Variants in CSMD1 observed in about 807,000 individuals in gnomAD.
The protein encoded by CSMD1 is CUB and sushi domain-containing protein 1.
A neutral mutation model predicts 417.5 loss-of-function variants in CSMD1; 213 were observed. The ratio of observed to expected loss-of-function variants is 0.51; its 90% CI spans 0.46 to 0.57. CSMD1 has a LOEUF of 0.57. CSMD1 is among the 20% of genes least tolerant of loss of function. The pLI is 0.00. For synonymous variants in CSMD1, 2,862 were observed against 1,736.8 expected (o/e 1.65, Z -16.11); for missense variants, 6,923 against 4,529.7 (o/e 1.53, Z -15.17).
intron 65 of CSMD1, among the ~76,000 whole-genome samples, 173 bp downstream of exon 65, chr8:2,954,051 T>C (rs1802827774): frequency 2.0e-5 from 3 of 152,258 alleles, no homozygotes; most frequent in African/African-American, 7.2e-5. Flanking sequence ...CAAACCATTG[T>C]TGTGAAATAA....
chr8:3,415,629 C>A (rs1401501989), intron 12 of CSMD1, among the ~76,000 whole-genome samples: 1 of 152,108 alleles, frequency 6.6e-6, no homozygotes, highest in Non-Finnish European at 1.5e-5. Context: ...CAACAGGCTG[C>A]GATTACAGGC....
At chr8:3,732,443 C>A (rs919765577) in intron 6 of CSMD1, among the ~76,000 whole-genome samples, 5 of 152,148 alleles carry the variant, frequency 3.3e-5, no homozygotes, top group African/African-American at 1.2e-4. Flanking sequence ...TGGAAGGACT[C>A]ATTCCTTAGG....
intron 5 of CSMD1, among the ~76,000 whole-genome samples, chr8:3,840,990 A>T (rs1329349649): frequency 1.3e-5 from 2 of 152,086 alleles, no homozygotes; most frequent in African/African-American, 4.8e-5. Context: ...TACAGGCATG[A>T]ACCACTGCAG....
rs145377169 is a variant in CSMD1, at chr8:3,834,044, T to C, written c.819-80002A>G. ...ATTTAACTCTTGACACGGTCACTAA[T>C]GTAAAGTTTGGTCACTACTGAAAAA... On this transcript the variant is annotated intron_variant, in intron 5 of 69. Transcript: ENST00000635120. Among the ~76,000 whole-genome samples, 181 of 152,332 alleles carry C rather than the reference T, an allele frequency of 1.2e-3. 1 individual carries two copies. Among genetic ancestry groups the C allele is most frequent in the South Asian group, 5.0e-3 (24 of 4,828 alleles).
intron 3 of CSMD1, among the ~76,000 whole-genome samples, chr8:4,345,557 C>A (rs1470129488): frequency 1.3e-5 from 2 of 151,962 alleles, no homozygotes; most frequent in Non-Finnish European, 2.9e-5. Flanking sequence ...GCAAATCACT[C>A]ATCGGACAAA....
At chr8:4,413,461 G>T (rs749175765) in intron 3 of CSMD1, among the ~76,000 whole-genome samples, 1 of 152,098 alleles carries the variant, frequency 6.6e-6, no homozygotes, top group African/African-American at 2.4e-5. Flanking sequence ...TGACTTGATT[G>T]TCTTAAAGCT....
chr8:4,036,009 G>A (rs1014866513), intron 3 of CSMD1, among the ~76,000 whole-genome samples: 4 of 151,996 alleles, frequency 2.6e-5, no homozygotes, highest in African/African-American at 9.7e-5. Flanking sequence ...TTTTATTACT[G>A]TACCTTTTCT....
chr8:4,660,374 C>A (rs1804516862), intron 1 of CSMD1, among the ~76,000 whole-genome samples: 1 of 151,836 alleles, frequency 6.6e-6, no homozygotes, highest in South Asian at 2.1e-4. Context: ...TGCTGAAAAC[C>A]AGAAAACACG....
At chr8:3,665,196 C>T (rs1311676107) in intron 7 of CSMD1, among the ~76,000 whole-genome samples, 1 of 152,138 alleles carries the variant, frequency 6.6e-6, no homozygotes. Flanking sequence ...GTATTTGCAT[C>T]TTTTACTGAT....
At chr8:3,792,195 G>A (rs1229568753) in intron 5 of CSMD1, among the ~76,000 whole-genome samples, 2 of 152,006 alleles carry the variant, frequency 1.3e-5, no homozygotes, top group Admixed American at 1.3e-4. Context: ...AGGGGAGGCT[G>A]AGATGGGAGA....
intron 10 of CSMD1, among the ~76,000 whole-genome samples, chr8:3,525,590 C>A (rs1371930238): frequency 3.3e-5 from 5 of 152,172 alleles, no homozygotes; most frequent in Admixed American, 2.6e-4. Flanking sequence ...AGGGATAAGT[C>A]TGTCACTAGG....
chr8:3,990,184 A>C (rs1814637953), intron 5 of CSMD1, among the ~76,000 whole-genome samples: 1 of 152,246 alleles, frequency 6.6e-6, no homozygotes. Context: ...CACATACAAA[A>C]AGAAAGAAGT....
intron 1 of CSMD1, among the ~76,000 whole-genome samples, chr8:4,687,765 G>GTCACCC (rs1198314660): frequency 1.3e-5 from 2 of 151,676 alleles, no homozygotes; most frequent in Admixed American, 6.6e-5. Flanking sequence ...CCCTCCTTTT[G>GTCACCC]TCACCCTCCT....
At chr8:3,619,476 A>T (rs1234326011) in intron 7 of CSMD1, among the ~76,000 whole-genome samples, 2 of 152,228 alleles carry the variant, frequency 1.3e-5, no homozygotes, top group Non-Finnish European at 2.9e-5. Context: ...TCACTGAAGA[A>T]ATATATGCAT....
chr8:3,699,571 C>G (rs1800733843), intron 7 of CSMD1, among the ~76,000 whole-genome samples: 1 of 152,142 alleles, frequency 6.6e-6, no homozygotes, highest in Admixed American at 6.5e-5. Flanking sequence ...ATGGGTTGAT[C>G]TACTAATATT....
At chr8:3,500,888 G>A (rs899395295) in intron 10 of CSMD1, among the ~76,000 whole-genome samples, 1 of 152,158 alleles carries the variant, frequency 6.6e-6, no homozygotes, top group Non-Finnish European at 1.5e-5. Flanking sequence ...CATGGATGAA[G>A]AGAAGTAAGA....
rs1206855828 is a variant in CSMD1 at position 4,519,001 on chromosome 8, A to G, written c.303-98936T>C. Among the ~76,000 whole-genome samples, 3 of 152,074 alleles carry G rather than the reference A, an allele frequency of 2.0e-5. No individual in the cohort carries two copies. In the East Asian group the frequency reaches 5.8e-4, roughly 29 times the overall value. On this transcript the variant is annotated intron_variant, in intron 2 of 69. Coordinates refer to ENST00000635120, the MANE Select transcript of CSMD1 (RefSeq NM_033225.6). ...TCCCCACTTTCTCTTTTGCTGCACT[A>G]CAGTATAATTTCTTTTTACCCAAAC...
intron 26 of CSMD1, among the ~76,000 whole-genome samples, chr8:3,278,133 T>C (rs189724017): frequency 1.2e-4 from 18 of 152,112 alleles, no homozygotes; most frequent in Admixed American, 1.2e-3. Context: ...GAGTGACCCT[T>C]GGAATAAGGA....
At chr8:4,167,912 G>A (rs566150396) in intron 3 of CSMD1, among the ~76,000 whole-genome samples, 3 of 152,106 alleles carry the variant, frequency 2.0e-5, no homozygotes, top group South Asian at 2.1e-4. Context: ...CGGACTGCCT[G>A]AGGTCAGGAG....
Sources: gnomAD v4.1 joint callset for allele counts (sites outside exome capture counted in the v4.1 genomes callset) on GRCh38, gnomAD v4.1.1 for gene constraint, MANE v1.5 for transcripts, NCBI Gene and HGNC (gene_info 2026-07-23, HGNC 2026-07-21) for gene names.